The following XYLB variants were observed in gnomAD, a reference collection of about 807,000 sequenced individuals.
XYLB encodes xylulose kinase.
Under a neutral mutation model 78.7 loss-of-function variants are expected in XYLB, and 62 were observed. That is an observed-to-expected ratio of 0.79 (90% CI 0.64 to 0.97). The LOEUF (loss-of-function observed/expected upper bound fraction) is 0.97, where lower values mean the gene tolerates loss of function less well. Among genes scored for constraint, XYLB ranks in the 50% least tolerant of loss-of-function variants. XYLB has a pLI of 0.00. For synonymous variants in XYLB, 245 were observed against 247.4 expected, an observed-to-expected ratio of 0.99 and a Z score of 0.09; for missense variants, 687 against 676.8, an observed-to-expected ratio of 1.02 and a Z score of -0.17.
intron 2 of XYLB, among the ~76,000 whole-genome samples, chr3:38,358,329 G>GTT (rs1272765664): frequency 3.2e-5 from 2 of 63,162 alleles, no homozygotes. Flanking sequence ...GTGTGTGTGT[G>GTT]TGTGTGTGTG....
the XYLB span, chr3:38,452,305 T>C: frequency 6.6e-6 from 1 of 152,220 alleles, no homozygotes. Context: ...AAGGGACTTT[T>C]AAAGACCCAG....
rs111660777 is a variant in XYLB, at chr3:38,360,542, G to A, written c.210+134G>A. On this transcript the variant is annotated intron_variant, in intron 3 of 18. Coordinates refer to ENST00000207870, the MANE Select transcript of XYLB (RefSeq NM_005108.4). The stretch of plus-strand genomic sequence containing the variant: ...CACCAGGTCCTCATGGGAAGGTGGA[G>A]TTGGCATGACTCCTGGGATCAGGCT... The A allele has an allele frequency of 1.3e-4, 99 of 740,564 alleles. 1 individual carries two copies. The African/African-American group carries it at 1.4e-3, about 11-fold the overall frequency. 45.9% of individuals were successfully genotyped at this position (740,564 alleles called of 1,614,324 possible).
downstream of XYLB, among the ~76,000 whole-genome samples, chr3:38,417,575 A>T (rs747698379): frequency 1.9e-4 from 29 of 152,176 alleles, no homozygotes; most frequent in Non-Finnish European, 4.1e-4. Context: ...ACAAGCAGGC[A>T]TAGTTGCTCA....
chr3:38,375,877 G>A (rs529518876), intron 12 of XYLB, among the ~76,000 whole-genome samples: 4 of 152,130 alleles, frequency 2.6e-5, no homozygotes, highest in African/African-American at 9.7e-5. Flanking sequence ...GCTCCTCTGT[G>A]TCAGCCTCCT....
At chr3:38,392,391 C>A (rs936426592) in intron 15 of XYLB, among the ~76,000 whole-genome samples, 2 of 151,994 alleles carry the variant, frequency 1.3e-5, no homozygotes, top group African/African-American at 4.8e-5. Flanking sequence ...CTCCACCTCC[C>A]GGTTCAAGTG....
At chr3:38,394,166 A>G (rs1408779430) in intron 15 of XYLB, among the ~76,000 whole-genome samples, 1 of 152,218 alleles carries the variant, frequency 6.6e-6, no homozygotes, top group Non-Finnish European at 1.5e-5. Flanking sequence ...ACCATGGAAT[A>G]TCTTTTAATT....
chr3:38,381,399 A>G (rs1707137226), intron 15 of XYLB, among the ~76,000 whole-genome samples: 1 of 152,344 alleles, frequency 6.6e-6, no homozygotes, highest in South Asian at 2.1e-4. Flanking sequence ...CACAAATTGT[A>G]CAGCATGTGT....
At chr3:38,451,960 G>A in the XYLB span, 1 of 152,196 alleles carries the variant, frequency 6.6e-6, no homozygotes, top group African/African-American at 2.4e-5. Context: ...GTATGGAGTA[G>A]AAGAGAGGAA....
chr3:38,376,329 CG>C (rs1706854611), intron 13 of XYLB, 97 bp downstream of exon 13: 4 of 798,272 alleles, frequency 5.0e-6, no homozygotes, highest in Admixed American at 3.7e-5. Flanking sequence ...AGAGGAGGGC[CG>C]TGGAGAAGTC....
At position 38,376,165 on chromosome 3, in the gene XYLB, A is replaced by T. The variant is rs758975041; in HGVS notation, c.1053A>T (p.Val351=). The T allele has an allele frequency of 6.2e-7, 1 of 1,614,112 alleles. No individual in the cohort carries two copies. The highest frequency in any genetic ancestry group is 8.5e-7 in the Non-Finnish European group (1 of 1,179,978). Residue 351 remains valine (V), a synonymous_variant, in exon 13 of 19, where the codon GTA becomes GTT. Transcript: ENST00000207870. ...GAGAGAAGATCCGCAACGAGTCTGT[A>T]TCCCGTTCCTGGAGCGATTTCTCTA... The part of the protein sequence containing the change: ...LMREKIRNES[V]SRSWSDFSKA...
chr3:38,413,034 T>C lies in XYLB; in HGVS notation c.*21T>C. On this transcript the variant is annotated 3_prime_UTR_variant, in exon 19 of 19. Coordinates refer to ENST00000207870, the MANE Select transcript of XYLB (RefSeq NM_005108.4). ...AGTGAACAGGCATCCCTGTTGCCCCTGCCTGCCCAGATTTACTGACCCCAT... is the reference window on the plus strand; with the variant it reads ...AGTGAACAGGCATCCCTGTTGCCCCCGCCTGCCCAGATTTACTGACCCCAT... 6.3e-7 allele frequency: 1 copy of C among 1,576,104 alleles called. No individual in the cohort carries two copies. Among genetic ancestry groups the C allele is most frequent in the Admixed American group, 2.0e-5 (1 of 48,910 alleles).
At chr3:38,410,606 A>C (rs576116054) in intron 18 of XYLB, among the ~76,000 whole-genome samples, 84 of 152,332 alleles carry the variant, frequency 5.5e-4, no homozygotes, top group African/African-American at 1.9e-3. Flanking sequence ...TAACCTACAA[A>C]ATGGGAGAAA....
intron 2 of XYLB, among the ~76,000 whole-genome samples, chr3:38,352,268 G>A (rs1157708552): frequency 2.6e-5 from 4 of 151,690 alleles, no homozygotes; most frequent in African/African-American, 7.3e-5. Context: ...GCAGTGGCAC[G>A]ATCTCGGCTC....
chr3:38,375,274 TG>T lies in XYLB; in HGVS notation c.1004+17del. ...GCACTCCTGTGGTGAGCTTGGGTGT[TG>T]GTTGGCACCATTCCCTGGGTGAGGA... On this transcript the variant is annotated intron_variant, in intron 12 of 18. Transcript: ENST00000207870. 1 of 1,611,406 alleles carries T rather than the reference TG, an allele frequency of 6.2e-7. No homozygotes were observed. The highest frequency in any genetic ancestry group is 2.2e-5 in the East Asian group (1 of 44,854).
the XYLB span, among the ~76,000 whole-genome samples, chr3:38,437,029 T>TAATAAC: frequency 6.9e-6 from 1 of 145,800 alleles, no homozygotes; most frequent in Admixed American, 6.9e-5. Flanking sequence ...ATAATAATAA[T>TAATAAC]AATAATAATA....
At chr3:38,430,912 A>G in the XYLB span, among the ~76,000 whole-genome samples, 1 of 152,038 alleles carries the variant, frequency 6.6e-6, no homozygotes, top group Non-Finnish European at 1.5e-5. Context: ...CCATTGATCT[A>G]TATATCTGTT....
chr3:38,384,137 G>T (rs1707275621), intron 15 of XYLB, among the ~76,000 whole-genome samples: 1 of 152,054 alleles, frequency 6.6e-6, no homozygotes, highest in South Asian at 2.1e-4. Context: ...TGTGATCTTG[G>T]CTCACTACAA....
the XYLB span, among the ~76,000 whole-genome samples, chr3:38,429,129 C>A: frequency 6.6e-6 from 1 of 152,152 alleles, no homozygotes; most frequent in Admixed American, 6.6e-5. Context: ...CATCTCAATC[C>A]AACTCAGCAC....
intron 10 of XYLB, 87 bp from the exon 11 acceptor site, chr3:38,374,375 C>A: frequency 6.3e-7 from 1 of 1,595,186 alleles, no homozygotes; most frequent in Non-Finnish European, 8.6e-7. Flanking sequence ...GAGGTGGGGG[C>A]TCTGCGCCTG....
Sources: gnomAD v4.1 joint callset for allele counts (sites outside exome capture counted in the v4.1 genomes callset) on GRCh38, gnomAD v4.1.1 for gene constraint, MANE v1.5 for transcripts, NCBI Gene and HGNC (gene_info 2026-07-23, HGNC 2026-07-21) for gene names.